The following CSMD1 variants were observed in gnomAD, a reference collection of about 807,000 sequenced individuals.
CSMD1 encodes the protein CUB and sushi domain-containing protein 1.
Under a neutral mutation model 417.5 loss-of-function variants are expected in CSMD1, and 213 were observed. That is an observed-to-expected ratio of 0.51 (90% CI 0.46 to 0.57). CSMD1 has a LOEUF of 0.57. Ranked by LOEUF, CSMD1 falls within the 20% of genes least tolerant of loss-of-function variation. The pLI, the probability that CSMD1 is intolerant of heterozygous loss-of-function variation, is 0.00. For missense variants in CSMD1, 6,923 were observed against 4,529.7 expected (o/e 1.53, Z -15.17); for synonymous variants, 2,862 against 1,736.8 (o/e 1.65, Z -16.11).
intron 48 of CSMD1, among the ~76,000 whole-genome samples, chr8:3,089,282 T>C (rs1411605462): frequency 6.6e-6 from 1 of 152,228 alleles, no homozygotes; most frequent in Non-Finnish European, 1.5e-5. Context: ...TATTCTGGAA[T>C]TTCGGTGTGA....
chr8:3,413,819 A>G (rs1056079829), intron 12 of CSMD1, among the ~76,000 whole-genome samples: 1 of 152,108 alleles, frequency 6.6e-6, no homozygotes, highest in East Asian at 1.9e-4. Flanking sequence ...TCTATGTCAG[A>G]GACGATTTTA....
chr8:4,867,395 T>C (rs1303546761), intron 1 of CSMD1, among the ~76,000 whole-genome samples: 2 of 152,076 alleles, frequency 1.3e-5, no homozygotes, highest in African/African-American at 4.8e-5. Flanking sequence ...TTGAAAGGTA[T>C]TACTAAGATG....
At chr8:4,528,811 C>T (rs1796651136) in intron 2 of CSMD1, among the ~76,000 whole-genome samples, 1 of 152,042 alleles carries the variant, frequency 6.6e-6, no homozygotes, top group Non-Finnish European at 1.5e-5. Context: ...CTCTCATACA[C>T]ACACACACAC....
intron 8 of CSMD1, among the ~76,000 whole-genome samples, chr8:3,591,885 G>T (rs1323174567): frequency 1.3e-5 from 2 of 152,062 alleles, no homozygotes; most frequent in Non-Finnish European, 2.9e-5. Flanking sequence ...ATGGATAGAT[G>T]ACAGATAGCT....
chr8:4,034,741 T>A (rs1485093639), intron 3 of CSMD1, among the ~76,000 whole-genome samples: 2 of 152,204 alleles, frequency 1.3e-5, no homozygotes, highest in East Asian at 3.8e-4. Flanking sequence ...TCCAGGAATA[T>A]TTAAAATAAA....
rs79616840 is a variant in CSMD1, at chr8:2,964,900, A to C, written c.9280+875T>G. On this transcript the variant is annotated intron_variant, in intron 59 of 69. Transcript: ENST00000635120. Reference sequence around the variant, plus strand: ...CCATGTGTCTTGCAGAACTCACCGAAGATGAAACCTTCTCCATAAGCTACT... The same window carrying C: ...CCATGTGTCTTGCAGAACTCACCGACGATGAAACCTTCTCCATAAGCTACT... Among the ~76,000 whole-genome samples, 1,479 of 152,266 alleles carry C rather than the reference A, an allele frequency of 9.7e-3. 19 individuals carry two copies. The highest frequency in any genetic ancestry group is 0.031 in the African/African-American group (1,299 of 41,542).
chr8:3,065,550 A>G (rs554487932), intron 49 of CSMD1, among the ~76,000 whole-genome samples: 6 of 152,246 alleles, frequency 3.9e-5, no homozygotes, highest in African/African-American at 1.4e-4. Flanking sequence ...ATAGTTATAT[A>G]GAAAGGAAAA....
intron 25 of CSMD1, among the ~76,000 whole-genome samples, chr8:3,299,193 T>C (rs1354689241): frequency 6.6e-6 from 1 of 152,190 alleles, no homozygotes; most frequent in Non-Finnish European, 1.5e-5. Context: ...GGCTCACGCC[T>C]GTAATCCCAG....
At chr8:4,357,348 C>A (rs774708195) in intron 3 of CSMD1, among the ~76,000 whole-genome samples, 9 of 152,180 alleles carry the variant, frequency 5.9e-5, no homozygotes, top group Non-Finnish European at 8.8e-5. Context: ...CTATTCACAA[C>A]AGGATCGTAG....
intron 1 of CSMD1, among the ~76,000 whole-genome samples, chr8:4,807,385 C>A (rs565321995): frequency 1.5e-4 from 23 of 152,272 alleles, no homozygotes; most frequent in Admixed American, 1.1e-3. Context: ...TCCCTCACTG[C>A]CGGGTGGGAA....
At chr8:4,301,156 G>C (rs1299796446) in intron 3 of CSMD1, among the ~76,000 whole-genome samples, 1 of 152,152 alleles carries the variant, frequency 6.6e-6, no homozygotes, top group African/African-American at 2.4e-5. Context: ...GCATTGTTGT[G>C]ATGGAAAAGA....
At chr8:4,523,357 G>A (rs1181567185) in intron 2 of CSMD1, among the ~76,000 whole-genome samples, 1 of 152,140 alleles carries the variant, frequency 6.6e-6, no homozygotes. Flanking sequence ...CTTCATCAAA[G>A]TGACTTTTTG....
intron 2 of CSMD1, among the ~76,000 whole-genome samples, chr8:4,490,875 T>C (rs138897934): frequency 1.3e-5 from 2 of 152,330 alleles, no homozygotes; most frequent in East Asian, 3.9e-4. Context: ...CGTGATTTAA[T>C]ACACACAAAG....
intron 48 of CSMD1, among the ~76,000 whole-genome samples, chr8:3,088,857 A>T (rs2129006958): frequency 6.6e-6 from 1 of 151,722 alleles, no homozygotes; most frequent in South Asian, 2.1e-4. Flanking sequence ...AAAAAAAAAA[A>T]AAAAAAGTTA....
At chr8:3,964,692 G>C (rs1167755141) in intron 5 of CSMD1, among the ~76,000 whole-genome samples, 2 of 152,296 alleles carry the variant, frequency 1.3e-5, no homozygotes, top group East Asian at 1.9e-4. Context: ...ATGGACCATA[G>C]TTATTAAATA....
intron 3 of CSMD1, among the ~76,000 whole-genome samples, chr8:4,352,151 C>T (rs1801135846): frequency 2.0e-5 from 3 of 152,102 alleles, no homozygotes; most frequent in Non-Finnish European, 2.9e-5. Flanking sequence ...CTCAGAATAT[C>T]ATTTTTATAT....
chr8:4,339,116 G>A (rs187269162), intron 3 of CSMD1, among the ~76,000 whole-genome samples: 1 of 152,050 alleles, frequency 6.6e-6, no homozygotes, highest in African/African-American at 2.4e-5. Context: ...TCATCTCTGA[G>A]GCAGAAATAT....
rs548201795 is a variant in CSMD1, at chr8:4,034,649, C to T, written c.416-2550G>A. Among the ~76,000 whole-genome samples, 5 of 152,076 alleles carry T rather than the reference C, an allele frequency of 3.3e-5. No individual in the cohort carries two copies. The South Asian group carries it at 8.3e-4, about 25-fold the overall frequency. ...GTCAAAGACACACGTTGTATAGCCACCGTAAATGTGAAGAGTGAGAAAGGG... is the reference window on the plus strand; with the variant it reads ...GTCAAAGACACACGTTGTATAGCCATCGTAAATGTGAAGAGTGAGAAAGGG... On this transcript the variant is annotated intron_variant, in intron 3 of 69. Coordinates refer to ENST00000635120, the MANE Select transcript of CSMD1 (RefSeq NM_033225.6).
chr8:3,297,494 G>C (rs1312938012), intron 25 of CSMD1, among the ~76,000 whole-genome samples: 1 of 152,090 alleles, frequency 6.6e-6, no homozygotes, highest in East Asian at 1.9e-4. Flanking sequence ...ATGGAATACA[G>C]TTTGGAAACA....
Sources: gnomAD v4.1 joint callset for allele counts (sites outside exome capture counted in the v4.1 genomes callset) on GRCh38, gnomAD v4.1.1 for gene constraint, MANE v1.5 for transcripts, NCBI Gene and HGNC (gene_info 2026-07-23, HGNC 2026-07-21) for gene names.